The following NMD3 variants were observed in gnomAD, a reference collection of about 807,000 sequenced individuals.
NMD3 encodes the protein NMD3 ribosome export adaptor, also known as 60S ribosomal export protein NMD3.
Under a neutral mutation model 73.1 loss-of-function variants are expected in NMD3, and 47 were observed. The ratio of observed to expected loss-of-function variants is 0.64; its 90% CI spans 0.51 to 0.82. The LOEUF (loss-of-function observed/expected upper bound fraction) is 0.82, where lower values mean the gene tolerates loss of function less well. Ranked by LOEUF, NMD3 falls within the 40% of genes least tolerant of loss-of-function variation. NMD3 has a pLI of 0.00. For missense variants in NMD3, 554 were observed against 612.5 expected (o/e 0.90, Z 1.01); for synonymous variants, 210 against 194.5 (o/e 1.08, Z -0.66).
At chr3:161,247,372 G>A in intron 13 of NMD3, 42 bp downstream of exon 13, 1 of 1,245,120 alleles carries the variant, frequency 8.0e-7, no homozygotes, top group Non-Finnish European at 1.2e-6. Context: ...TGTTAAAGAG[G>A]ATGAATGTAA....
At position 161,250,971 on chromosome 3, in the gene NMD3, T is replaced by C. The variant is rs1737466290; in HGVS notation, c.*61T>C. 5.0e-6 allele frequency: 7 copies of C among 1,388,286 alleles called. No individual in the cohort carries two copies. In the Admixed American group the frequency reaches 5.6e-5, roughly 11 times the overall value. The allele number at this position is 1,388,286 out of a possible 1,614,324, so 86.0% of individuals were successfully genotyped here. A position where few individuals can be genotyped will look rare whatever the true frequency, so the allele number is the denominator to read the frequency against. On this transcript the variant is annotated 3_prime_UTR_variant, in exon 16 of 16. Transcript: ENST00000351193. ...AGAAGTTGGACAGAGTTACCTTAAG[T>C]GTCTCTACTATCTTTGCCTCCAGAT...
chr3:161,227,993 T>C (rs1041537259), intron 4 of NMD3, among the ~76,000 whole-genome samples: 1 of 152,162 alleles, frequency 6.6e-6, no homozygotes, highest in African/African-American at 2.4e-5. Context: ...TTTGGTTTCT[T>C]TTTATTGTCA....
rs766768067 is a variant in NMD3, at chr3:161,249,487, C to T, written c.1237C>T (p.Arg413Cys). ...LIKKSYDRTK[R>C]QRRRNWKLKE... is the part of the protein sequence containing the mutation. ...CAAGAAGAGCTATGACCGGACCAAA[C>T]GTCAGCGTCGTAGAAACTGGAAATT... Residue 413 changes from arginine (R) to cysteine (C), a missense_variant, in exon 14 of 16, where the codon CGT (arginine) becomes TGT (cysteine). Transcript: ENST00000351193. 40 of 1,611,484 alleles carry T rather than the reference C, an allele frequency of 2.5e-5. No individual in the cohort carries two copies. In the South Asian group the frequency reaches 3.1e-4, roughly 12 times the overall value.
chr3:161,230,607 G>A (rs970241229), intron 4 of NMD3, among the ~76,000 whole-genome samples: 1 of 152,190 alleles, frequency 6.6e-6, no homozygotes, highest in Non-Finnish European at 1.5e-5. Flanking sequence ...ACATTTATTT[G>A]TTAATTCACT....
chr3:161,246,278 G>A (rs772284690), intron 11 of NMD3, 58 bp from the exon 12 acceptor site: 12 of 642,484 alleles, frequency 1.9e-5, no homozygotes, highest in Non-Finnish European at 3.0e-5. Flanking sequence ...ACTTTTCTCT[G>A]AGATGCTTTT....
chr3:161,233,668 T>G (rs1181102835), intron 5 of NMD3, among the ~76,000 whole-genome samples, 189 bp downstream of exon 5: 3 of 152,216 alleles, frequency 2.0e-5, no homozygotes, highest in African/African-American at 7.2e-5. Context: ...TGCTTCTGAT[T>G]AGCAGACTTA....
chr3:161,248,839 C>G (rs544485276), intron 13 of NMD3, among the ~76,000 whole-genome samples: 8 of 152,068 alleles, frequency 5.3e-5, no homozygotes, highest in Non-Finnish European at 1.0e-4. Context: ...AAAGTAGAGC[C>G]ATGACAAATC....
chr3:161,245,177 T>C (rs1419127092), intron 11 of NMD3, among the ~76,000 whole-genome samples: 1 of 151,900 alleles, frequency 6.6e-6, no homozygotes, highest in East Asian at 1.9e-4. Flanking sequence ...CTAATAATGC[T>C]TCTTGAGACA....
chr3:161,224,362 T>A (rs1279592433), intron 2 of NMD3, among the ~76,000 whole-genome samples: 1 of 152,196 alleles, frequency 6.6e-6, no homozygotes, highest in East Asian at 1.9e-4. Context: ...AGTACTGACC[T>A]TCTAGAACCT....
Position 161,249,489 on chromosome 3 carries a change from T to A in NMD3, c.1239T>A (p.Arg413=), listed in dbSNP as rs755975604. Residue 413 remains arginine (R), a synonymous_variant, in exon 14 of 16, where the codon CGT becomes CGA. Transcript: ENST00000351193. ...LIKKSYDRTK[R]QRRRNWKLKE... is the part of the protein sequence containing the mutation. ...AGAAGAGCTATGACCGGACCAAACG[T>A]CAGCGTCGTAGAAACTGGAAATTGA... is the stretch of plus-strand genomic sequence containing the variant. 46 of 1,612,010 alleles carry A rather than the reference T, an allele frequency of 2.9e-5. No homozygotes were observed. Among genetic ancestry groups the A allele is most frequent in the Non-Finnish European group, 3.8e-5 (45 of 1,179,092 alleles).
chr3:161,253,529 A>G (rs950757799), downstream of NMD3: 9 of 149,816 alleles, frequency 6.0e-5, no homozygotes, highest in African/African-American at 1.2e-4. Flanking sequence ...AAATGCAGAC[A>G]TGATGCTTCT....
intron 14 of NMD3, 61 bp from the exon 15 acceptor site, chr3:161,250,195 C>T: frequency 4.2e-6 from 4 of 951,454 alleles, no homozygotes; most frequent in Admixed American, 1.9e-5. Context: ...AATGAAAGTC[C>T]TTAAATGAAG....
chr3:161,237,312 G>A (rs1011039706), intron 7 of NMD3, among the ~76,000 whole-genome samples: 5 of 151,864 alleles, frequency 3.3e-5, no homozygotes, highest in Non-Finnish European at 5.9e-5. Context: ...CAGTTAACTC[G>A]ACCTTGATAG....
At chr3:161,224,026 TGTTG>T (rs948804416) in intron 2 of NMD3, among the ~76,000 whole-genome samples, 19 of 152,206 alleles carry the variant, frequency 1.2e-4, no homozygotes, top group Non-Finnish European at 1.9e-4. Context: ...TTATGGATAG[TGTTG>T]GTTGGGTGTG....
chr3:161,238,078 A>G (rs754377936), intron 7 of NMD3, 35 bp from the exon 8 acceptor site: 19 of 1,421,020 alleles, frequency 1.3e-5, no homozygotes, highest in Non-Finnish European at 1.7e-5. Flanking sequence ...TATTTTGCAT[A>G]ATTATTTTCA....
chr3:161,224,876 A>G lies in NMD3; in HGVS notation c.45-54A>G, dbSNP rs563023464. The G allele has an allele frequency of 2.3e-5, 34 of 1,509,154 alleles. No homozygotes were observed. In the Admixed American group the frequency reaches 2.8e-4, roughly 12 times the overall value. The allele number at this position is 1,509,154 out of a possible 1,614,324, so 93.5% of individuals were successfully genotyped here. A position where few individuals can be genotyped will look rare whatever the true frequency, so the allele number is the denominator to read the frequency against. On this transcript the variant is annotated intron_variant, in intron 2 of 15. Transcript: ENST00000351193. ...TTGTTTGTTTGGCATCTAAAAAAAA[A>G]TTTAGTGTATTTTAAAAATCTAATG...
chr3:161,238,506 T>A (rs1039034854), intron 8 of NMD3, among the ~76,000 whole-genome samples: 3 of 152,164 alleles, frequency 2.0e-5, no homozygotes. Flanking sequence ...CAACAGCATG[T>A]TCTAGAGGTT....
chr3:161,249,822 T>C (rs1737407702), intron 14 of NMD3: 3 of 477,766 alleles, frequency 6.3e-6, no homozygotes. Flanking sequence ...AATATAATCA[T>C]ACTTTGCTTA....
intron 6 of NMD3, 37 bp downstream of exon 6, chr3:161,234,892 A>G (rs768371371): frequency 6.3e-7 from 1 of 1,599,162 alleles, no homozygotes. Context: ...CCTACATCTT[A>G]TATTTCGTCT....
Sources: allele counts gnomAD v4.1 joint callset (sites outside exome capture counted in the v4.1 genomes callset), GRCh38; gene constraint gnomAD v4.1.1; transcripts MANE v1.5; gene names NCBI Gene and HGNC (gene_info 2026-07-23, HGNC 2026-07-21).